ARID5B: variants seen among roughly 807,000 people sequenced by gnomAD.
The protein encoded by ARID5B is AT-rich interaction domain 5B.
A neutral mutation model predicts 97.2 loss-of-function variants in ARID5B; 13 were observed. The observed-to-expected ratio is 0.13, with a 90% CI of 0.09 to 0.21. ARID5B has a LOEUF of 0.21. Ranked by LOEUF, ARID5B falls within the 10% of genes least tolerant of loss-of-function variation. The probability of loss-of-function intolerance (pLI) is 1.00; values close to 1 mark genes in which losing one functional copy is unlikely to be tolerated. For missense variants in ARID5B, 1,210 were observed against 1,465.3 expected (o/e 0.83, Z 2.84); for synonymous variants, 556 against 570.3 (o/e 0.97, Z 0.36).
intron 4 of ARID5B, among the ~76,000 whole-genome samples, chr10:62,023,223 T>C (rs187932664): frequency 2.4e-4 from 36 of 152,346 alleles, no homozygotes; most frequent in Non-Finnish European, 1.8e-4. Flanking sequence ...TGTCTGAAAG[T>C]AACAAAATGC....
Position 62,091,604 on chromosome 10 carries a change from C to T in ARID5B, c.2141C>T (p.Pro714Leu). The T allele has an allele frequency of 6.2e-7, 1 of 1,613,336 alleles. No homozygotes were observed. Among genetic ancestry groups the T allele is most frequent in the Non-Finnish European group, 8.5e-7 (1 of 1,179,688 alleles). The stretch of plus-strand genomic sequence containing the variant: ...AGCAGCTACCCTTATGGCTCCCCAC[C>T]CCCTTTGATCAGCAAAAAGAAACTG... Reference protein sequence around the residue: ...LSSSYPYGSPPPLISKKKLIA... With the variant: ...LSSSYPYGSPLPLISKKKLIA... The change falls in exon 10 of 10, where the codon CCC becomes CTC. Residue 714 changes from proline to leucine, a missense_variant. Transcript: ENST00000279873.
chr10:61,909,696 A>C (rs1461991069), intron 2 of ARID5B, among the ~76,000 whole-genome samples: 3 of 152,186 alleles, frequency 2.0e-5, no homozygotes, highest in African/African-American at 4.8e-5. Context: ...TACCTTTTTT[A>C]AGCTTTACCC....
intron 2 of ARID5B, among the ~76,000 whole-genome samples, chr10:61,903,306 C>T (rs530394728): frequency 9.9e-5 from 15 of 151,918 alleles, no homozygotes; most frequent in African/African-American, 3.6e-4. Context: ...CGTTTCTGGG[C>T]GGCCGCGGGG....
intron 2 of ARID5B, among the ~76,000 whole-genome samples, chr10:61,912,654 A>G (rs973850736): frequency 6.8e-6 from 1 of 147,894 alleles, no homozygotes; most frequent in African/African-American, 2.6e-5. Context: ...ATGTGTGTAT[A>G]TATATGCATG....
chr10:62,057,210 G>A lies in ARID5B; in HGVS notation c.940G>A (p.Gly314Ser). ...SNEEKPKVAIGEECRADEQAF... is the reference protein window; with the variant it reads ...SNEEKPKVAISEECRADEQAF... ...TGAAGAAAAACCAAAGGTTGCCATT[G>A]GTGAAGAGTGCAGGGCAGATGAACA... Residue 314 changes from glycine to serine, a missense_variant, in exon 6 of 10, where the codon GGT (glycine) becomes AGT (serine). By Grantham distance (56) the Gly-to-Ser change is moderately conservative (BLOSUM62 0). Coordinates refer to ENST00000279873, the MANE Select transcript of ARID5B (RefSeq NM_032199.3). The A allele has an allele frequency of 1.2e-6, 2 of 1,613,810 alleles. No individual in the cohort carries two copies. Among genetic ancestry groups the A allele is most frequent in the Non-Finnish European group, 8.5e-7 (1 of 1,179,834 alleles).
intron 8 of ARID5B, among the ~76,000 whole-genome samples, chr10:62,072,066 A>C (rs1314225635): frequency 1.3e-5 from 2 of 152,148 alleles, no homozygotes; most frequent in Non-Finnish European, 2.9e-5. Context: ...CAGAACAGAG[A>C]AGAGAGGTTG....
intron 4 of ARID5B, 45 bp from the exon 5 acceptor site, chr10:62,050,843 C>T (rs1466721972): frequency 3.3e-6 from 5 of 1,509,444 alleles, no homozygotes; most frequent in Admixed American, 1.7e-5. Flanking sequence ...TAAAGAAACC[C>T]ATGCAAGTGA....
intron 4 of ARID5B, among the ~76,000 whole-genome samples, chr10:62,043,699 G>A (rs1343717727): frequency 6.6e-6 from 1 of 152,190 alleles, no homozygotes; most frequent in Non-Finnish European, 1.5e-5. Flanking sequence ...AAGACCTCCA[G>A]GGCAGAGAGA....
At chr10:62,081,483 T>C (rs1021119431) in intron 8 of ARID5B, among the ~76,000 whole-genome samples, 8 of 152,236 alleles carry the variant, frequency 5.3e-5, no homozygotes, top group African/African-American at 1.9e-4. Flanking sequence ...AGATGAGATT[T>C]GACATTATTT....
intron 2 of ARID5B, among the ~76,000 whole-genome samples, chr10:61,936,122 C>G (rs1000311112): frequency 5.9e-5 from 9 of 152,136 alleles, no homozygotes; most frequent in Non-Finnish European, 8.8e-5. Flanking sequence ...ACACATTGTT[C>G]CAAATTTTAT....
At chr10:62,048,782 C>CT (rs1839745861) in intron 4 of ARID5B, among the ~76,000 whole-genome samples, 1 of 152,176 alleles carries the variant, frequency 6.6e-6, no homozygotes, top group Non-Finnish European at 1.5e-5. Flanking sequence ...GATTTGAAAG[C>CT]TTTTCTAGAA....
intron 3 of ARID5B, among the ~76,000 whole-genome samples, chr10:61,983,363 C>T (rs924779987): frequency 6.6e-6 from 1 of 152,048 alleles, no homozygotes; most frequent in Non-Finnish European, 1.5e-5. Flanking sequence ...TTTCTTAAAT[C>T]GGAGGAGACA....
At position 62,092,019 on chromosome 10, in the gene ARID5B, G is replaced by T; in HGVS notation, c.2556G>T (p.Gln852His). The change falls in exon 10 of 10, where the codon CAG becomes CAT. Residue 852 changes from glutamine to histidine, a missense_variant. Physicochemically the swap from Gln to His is conservative, Grantham distance 24 (BLOSUM62 0). Around this residue, in one of 8 missense-constraint regions of ARID5B, gnomAD observed 800 missense variants for 839.1 expected, o/e 0.95. Coordinates refer to ENST00000279873, the MANE Select transcript of ARID5B (RefSeq NM_032199.3). ...CCGAGCACCATCTTCATAATGAACA[G>T]ACATCCAAATACCCTTCCAGGGACA... ...RHTEHHLHNE[Q>H]TSKYPSRDMY... 5 of 1,614,048 alleles carry T rather than the reference G, an allele frequency of 3.1e-6. No homozygotes were observed. The highest frequency in any genetic ancestry group is 4.2e-6 in the Non-Finnish European group (5 of 1,180,004).
intron 4 of ARID5B, among the ~76,000 whole-genome samples, chr10:62,050,470 A>C (rs540980744): frequency 6.6e-6 from 1 of 152,342 alleles, no homozygotes; most frequent in African/African-American, 2.4e-5. Flanking sequence ...TTTCATTACT[A>C]TGATACCATA....
chr10:62,033,278 CTCTG>C (rs1452185590), intron 4 of ARID5B, among the ~76,000 whole-genome samples: 4 of 152,202 alleles, frequency 2.6e-5, no homozygotes, highest in Admixed American at 6.5e-5. Context: ...CTCTCTCTCT[CTCTG>C]TCTGTCACTC....
At chr10:62,017,738 AGT>A (rs2132887162) in intron 4 of ARID5B, among the ~76,000 whole-genome samples, 1 of 152,220 alleles carries the variant, frequency 6.6e-6, no homozygotes, top group East Asian at 1.9e-4. Context: ...ATTGCTTCTA[AGT>A]GAGCTCTTCA....
rs552886376 is a variant in ARID5B at position 62,000,580 on chromosome 10, A to G, written c.733+259A>G. Among the ~76,000 whole-genome samples the G allele has an allele frequency of 5.3e-5, 8 of 152,244 alleles. No individual in the cohort carries two copies. The highest frequency in any genetic ancestry group is 2.1e-4 in the South Asian group (1 of 4,818). On this transcript the variant is annotated intron_variant, in intron 4 of 9. Transcript: ENST00000279873. This position sits in a 1 kb window ranked among gnomAD's most constrained non-coding sequence, Gnocchi z 4.4. ...CTGAAGTTGCTTGGTCGACCTTGAA[A>G]TTGGACTTTAGGACAGGAAGCTTTC... is the stretch of plus-strand genomic sequence containing the variant.
intron 3 of ARID5B, among the ~76,000 whole-genome samples, chr10:61,988,465 A>G (rs910718718): frequency 6.6e-6 from 1 of 152,152 alleles, no homozygotes; most frequent in African/African-American, 2.4e-5. Flanking sequence ...CTTTGAATTG[A>G]TTTTTGTTAT....
At chr10:61,922,750 G>A (rs150149934) in intron 2 of ARID5B, among the ~76,000 whole-genome samples, 1 of 152,342 alleles carries the variant, frequency 6.6e-6, no homozygotes, top group Non-Finnish European at 1.5e-5. Context: ...ATCTACAAGA[G>A]GTGAGCATCT....
Sources: gnomAD v4.1 joint callset for allele counts (sites outside exome capture counted in the v4.1 genomes callset) on GRCh38, gnomAD v4.1.1 for gene constraint, gnomAD v4.1.1 regional missense constraint, Gnocchi (gnomAD v3.1) non-coding constraint, MANE v1.5 for transcripts, NCBI Gene and HGNC (gene_info 2026-07-23, HGNC 2026-07-21) for gene names.